Variants in NUP153 observed in about 807,000 individuals in gnomAD.
The protein encoded by NUP153 is nucleoporin 153.
A neutral mutation model predicts 134.6 loss-of-function variants in NUP153; 27 were observed. That is an observed-to-expected ratio of 0.20 (90% CI 0.15 to 0.28). The LOEUF (loss-of-function observed/expected upper bound fraction) is 0.28, where lower values mean the gene tolerates loss of function less well. Among genes scored for constraint, NUP153 ranks in the 10% least tolerant of loss-of-function variants. The pLI, the probability that NUP153 is intolerant of heterozygous loss-of-function variation, is 1.00. For synonymous variants in NUP153, 640 were observed against 623.5 expected (o/e 1.03, Z -0.40); for missense variants, 1,821 against 1,731.3 (o/e 1.05, Z -0.92).
Position 17,626,127 on chromosome 6 carries a change from G to T in NUP153, c.3582C>A (p.Asn1194Lys), listed in dbSNP as rs753362089. The T allele has an allele frequency of 1.2e-6, 2 of 1,613,034 alleles. No individual in the cohort carries two copies. The highest frequency in any genetic ancestry group is 2.2e-5 in the South Asian group (2 of 91,034). The change falls in exon 19 of 22, where the codon AAC becomes AAA. Residue 1194 changes from asparagine (N) to lysine (K), a missense_variant. Physicochemically the swap from Asn to Lys is moderately conservative, Grantham distance 94. Transcript: ENST00000262077. ...GAAKPVFSFL[N>K]NSSSSSSTPA... ...GTGTACTTGAACTAGAGGAACTGTTGTTCAAGAAACTAAAAACTGGCTTTG... is the reference window on the plus strand; with the variant it reads ...GTGTACTTGAACTAGAGGAACTGTTTTTCAAGAAACTAAAAACTGGCTTTG...
chr6:17,678,980 T>C (rs1487322671), intron 2 of NUP153, among the ~76,000 whole-genome samples: 2 of 151,838 alleles, frequency 1.3e-5, no homozygotes, highest in Admixed American at 6.6e-5. Flanking sequence ...TTAACAAATA[T>C]TTTACAGCTT....
At chr6:17,698,974 A>T (rs556648300) in intron 1 of NUP153, among the ~76,000 whole-genome samples, 2 of 152,198 alleles carry the variant, frequency 1.3e-5, no homozygotes, top group African/African-American at 2.4e-5. Flanking sequence ...ATGTTTGAAA[A>T]TTGGGAGTAA....
In NUP153 at chr6:17,628,094, C is replaced by T. The variant is rs1001776821; in HGVS notation, c.3544+561G>A. ...CAGCTATGAAGTTCTTCCTGCTATTCAGCTCACAGAATGACTTTAATAGGA... is the reference window on the plus strand; with the variant it reads ...CAGCTATGAAGTTCTTCCTGCTATTTAGCTCACAGAATGACTTTAATAGGA... On this transcript the variant is annotated intron_variant, in intron 18 of 21. Coordinates refer to ENST00000262077, the MANE Select transcript of NUP153 (RefSeq NM_005124.4). The surrounding 1 kb of genome is among the most constrained non-coding windows in gnomAD (Gnocchi z 5.4). Among the ~76,000 whole-genome samples the T allele has an allele frequency of 2.0e-5, 3 of 152,190 alleles. No homozygotes were observed. Among genetic ancestry groups the T allele is most frequent in the Non-Finnish European group, 2.9e-5 (2 of 68,036 alleles).
At chr6:17,667,194 T>C (rs1013463014) in intron 8 of NUP153, among the ~76,000 whole-genome samples, 2 of 152,218 alleles carry the variant, frequency 1.3e-5, no homozygotes, top group Non-Finnish European at 2.9e-5. Flanking sequence ...AAGCCCATCA[T>C]AGAAACTACT....
chr6:17,667,289 T>C lies in NUP153; in HGVS notation c.1068+1686A>G, dbSNP rs541885795. On this transcript the variant is annotated intron_variant, in intron 8 of 21. Coordinates refer to ENST00000262077, the MANE Select transcript of NUP153 (RefSeq NM_005124.4). ...CACTCTTCCAATAAAAAGTTCAATATTAGCTTTCTTTGCATCAGAATTTCA... is the reference window on the plus strand; with the variant it reads ...CACTCTTCCAATAAAAAGTTCAATACTAGCTTTCTTTGCATCAGAATTTCA... Among the ~76,000 whole-genome samples the C allele has an allele frequency of 1.8e-4, 28 of 152,326 alleles. No individual in the cohort carries two copies. The East Asian group carries it at 5.2e-3, about 28-fold the overall frequency.
Position 17,616,573 on chromosome 6 carries a change from A to G in NUP153, c.4297T>C (p.Ser1433Pro), listed in dbSNP as rs1010809297. Residue 1433 changes from serine to proline, a missense_variant, in exon 21 of 22, where the codon TCG (serine) becomes CCG (proline). Transcript: ENST00000262077. ...TPAASAQPSG[S>P]GGFPFNQSPA... The stretch of plus-strand genomic sequence containing the variant: ...GACTGGTTAAATGGAAAGCCCCCCG[A>G]GCCTGAAGGCTGGGCTGAGGCTGCA... 1 of 1,614,196 alleles carries G rather than the reference A, an allele frequency of 6.2e-7. No individual in the cohort carries two copies. Among genetic ancestry groups the G allele is most frequent in the Non-Finnish European group, 8.5e-7 (1 of 1,180,024 alleles).
intron 1 of NUP153, among the ~76,000 whole-genome samples, chr6:17,693,842 T>C (rs1295802653): frequency 6.6e-6 from 1 of 152,042 alleles, no homozygotes; most frequent in African/African-American, 2.4e-5. Context: ...GCTGAGATCG[T>C]GCCACTGCAC....
intron 5 of NUP153, among the ~76,000 whole-genome samples, chr6:17,671,862 G>GC (rs1767932623): frequency 6.6e-6 from 1 of 152,166 alleles, no homozygotes; most frequent in Non-Finnish European, 1.5e-5. Flanking sequence ...ACAAAAATTA[G>GC]TGGGGCATGG....
At chr6:17,682,998 A>G (rs898902413) in intron 2 of NUP153, among the ~76,000 whole-genome samples, 3 of 151,864 alleles carry the variant, frequency 2.0e-5, no homozygotes, top group Admixed American at 6.6e-5. Flanking sequence ...GTTTGAGCAT[A>G]AGATATTGCA....
At chr6:17,631,048 C>T (rs1448935761) in intron 17 of NUP153, among the ~76,000 whole-genome samples, 1 of 152,028 alleles carries the variant, frequency 6.6e-6, no homozygotes, top group Non-Finnish European at 1.5e-5. Context: ...TAAAATGAAC[C>T]AGAAAGCACA....
chr6:17,665,539 T>C (rs1052279913), intron 8 of NUP153, among the ~76,000 whole-genome samples, 154 bp from the exon 9 acceptor site: 3 of 152,110 alleles, frequency 2.0e-5, no homozygotes, highest in African/African-American at 7.2e-5. Context: ...AAACTGATAA[T>C]AATGGAACCT....
At chr6:17,697,165 AAAG>A (rs1180492753) in intron 1 of NUP153, among the ~76,000 whole-genome samples, 1 of 152,214 alleles carries the variant, frequency 6.6e-6, no homozygotes, top group Non-Finnish European at 1.5e-5. Context: ...TTCAAGGATT[AAAG>A]GAGTGAATTT....
At chr6:17,658,816 C>T (rs923709095) in intron 11 of NUP153, among the ~76,000 whole-genome samples, 1 of 152,058 alleles carries the variant, frequency 6.6e-6, no homozygotes. Context: ...TAACCGGTTA[C>T]GACCAGCTCA....
In NUP153 at chr6:17,616,139, G is replaced by A. The variant is rs1355627757; in HGVS notation, c.4386C>T (p.Phe1462=). 6.2e-7 allele frequency: 1 copy of A among 1,613,862 alleles called. No homozygotes were observed. Among genetic ancestry groups the A allele is most frequent in the East Asian group, 2.2e-5 (1 of 44,864 alleles). Residue 1462 remains phenylalanine (F), a synonymous_variant, in exon 22 of 22, where the codon TTC becomes TTT. Transcript: ENST00000262077. ...KNVFSSSGTS[F]SGRKIKTAVR... ...CAGCAGTCTTTATCTTGCGACCAGA[G>A]AATGAAGTTCCAGAAGAAGAGAACA...
chr6:17,688,257 T>C lies in NUP153; in HGVS notation c.334+139A>G, dbSNP rs1769061287. 3 of 621,464 alleles carry C rather than the reference T, an allele frequency of 4.8e-6. No individual in the cohort carries two copies. The South Asian group carries it at 6.4e-5, about 13-fold the overall frequency. The allele number at this position is 621,464 out of a possible 1,614,324, so 38.5% of individuals were successfully genotyped here. A position where few individuals can be genotyped will look rare whatever the true frequency, so the allele number is the denominator to read the frequency against. On this transcript the variant is annotated intron_variant, in intron 2 of 21. Coordinates refer to ENST00000262077, the MANE Select transcript of NUP153 (RefSeq NM_005124.4). ...AAAACACTGATAAATAAAAAAGACA[T>C]CCAATTTGAACCTGATTATCATCCT...
At chr6:17,618,178 C>T (rs548863799) in intron 20 of NUP153, among the ~76,000 whole-genome samples, 16 of 152,214 alleles carry the variant, frequency 1.1e-4, no homozygotes, top group African/African-American at 3.4e-4. Context: ...TCCAAACTTT[C>T]CCAAGTAAAA....
chr6:17,649,167 TTTG>T lies in NUP153; in HGVS notation c.1526_1528del (p.Thr509del). 6.2e-7 allele frequency: 1 copy of T among 1,611,094 alleles called. No homozygotes were observed. The highest frequency in any genetic ancestry group is 1.3e-5 in the African/African-American group (1 of 74,840). On this transcript the variant is annotated inframe_deletion, in exon 12 of 22. Transcript: ENST00000262077. The stretch of plus-strand genomic sequence containing the variant: ...ATTTATATAATGGTTTTGTACCTTG[TTTG>T]TTAATGCTTGAGACGAATTGATGGG...
At chr6:17,669,242 C>T in intron 7 of NUP153, 51 bp downstream of exon 7, 2 of 1,513,654 alleles carry the variant, frequency 1.3e-6, no homozygotes, top group South Asian at 1.1e-5. Context: ...CCACACCCGG[C>T]TAATTTTTGT....
At chr6:17,692,596 C>T (rs760892299) in intron 1 of NUP153, among the ~76,000 whole-genome samples, 1 of 152,154 alleles carries the variant, frequency 6.6e-6, no homozygotes, top group African/African-American at 2.4e-5. Flanking sequence ...TATGAAGGAA[C>T]AAACATCCTT....
Sources: gnomAD v4.1 joint callset for allele counts (sites outside exome capture counted in the v4.1 genomes callset) on GRCh38, gnomAD v4.1.1 for gene constraint, Gnocchi (gnomAD v3.1) non-coding constraint, MANE v1.5 for transcripts, NCBI Gene and HGNC (gene_info 2026-07-23, HGNC 2026-07-21) for gene names.